SEC14L1: variants seen among roughly 807,000 people sequenced by gnomAD.
SEC14L1 encodes SEC14-like protein 1.
SEC14L1 carries 48 observed loss-of-function variants against 85.3 expected under a neutral mutation model. The observed-to-expected ratio is 0.56, with a 90% CI of 0.45 to 0.72. SEC14L1 has a LOEUF of 0.72. Among genes scored for constraint, SEC14L1 ranks in the 30% least tolerant of loss-of-function variants. The pLI is 0.00. For missense variants in SEC14L1, 682 were observed against 921.4 expected, an observed-to-expected ratio of 0.74 and a Z score of 3.36; for synonymous variants, 391 against 355.5, an observed-to-expected ratio of 1.10 and a Z score of -1.12.
rs550825760 is a variant in SEC14L1 at position 77,193,585 on chromosome 17, G to A, written c.474+36G>A. 13 of 1,590,028 alleles carry A rather than the reference G, an allele frequency of 8.2e-6. No individual in the cohort carries two copies. The South Asian group carries it at 1.2e-4, about 15-fold the overall frequency. ...CTTGGGATTTTGTGGCAGAGGGTGG[G>A]CAGGAGTCTCTGAGATGACCATCTT... is the stretch of plus-strand genomic sequence containing the variant. On this transcript the variant is annotated intron_variant, in intron 6 of 16. Transcript: ENST00000436233.
In SEC14L1 at chr17:77,179,520, C is replaced by CT. The variant is rs746456734; in HGVS notation, c.64-11280dup. Among the ~76,000 whole-genome samples, 415 of 152,194 alleles carry CT rather than the reference C, an allele frequency of 2.7e-3. 4 individuals are homozygous for CT. The highest frequency in any genetic ancestry group is 6.8e-3 in the Middle Eastern group (2 of 294). ...TACTTTTTCCTTTGATTTTATAGCA[C>CT]TTTAGGATGAACTTACTTTTCCGTG... On this transcript the variant is annotated intron_variant, in intron 3 of 16. Transcript: ENST00000436233.
At chr17:77,196,113 A>C in intron 7 of SEC14L1, 89 bp from the exon 8 acceptor site, 1 of 980,784 alleles carries the variant, frequency 1.0e-6, no homozygotes, top group Non-Finnish European at 1.6e-6. Flanking sequence ...GGACTCTAGG[A>C]CCACACGTTA....
At chr17:77,175,192 G>T (rs1974695313) in intron 3 of SEC14L1, among the ~76,000 whole-genome samples, 1 of 152,132 alleles carries the variant, frequency 6.6e-6, no homozygotes, top group South Asian at 2.1e-4. Context: ...CTTTGAAGAG[G>T]AATTCATCAT....
chr17:77,117,718 A>T (rs934836273), intron 3 of SEC14L1, among the ~76,000 whole-genome samples: 2 of 152,186 alleles, frequency 1.3e-5, no homozygotes, highest in African/African-American at 4.8e-5. Flanking sequence ...ATTCCAATGA[A>T]GTTGGGCAAA....
At chr17:77,168,654 T>C (rs1434753063) in intron 3 of SEC14L1, among the ~76,000 whole-genome samples, 1 of 152,166 alleles carries the variant, frequency 6.6e-6, no homozygotes, top group Non-Finnish European at 1.5e-5. Context: ...GGAGCTGTGT[T>C]GTTAGGGCTG....
At chr17:77,143,741 T>G in intron 3 of SEC14L1, 82 bp downstream of exon 3, 1 of 1,012,006 alleles carries the variant, frequency 9.9e-7, no homozygotes, top group Non-Finnish European at 1.5e-6. Context: ...TATAGATTTA[T>G]TGTTCGTCTC....
At chr17:77,167,249 C>T (rs1001461188) in intron 3 of SEC14L1, among the ~76,000 whole-genome samples, 1 of 151,690 alleles carries the variant, frequency 6.6e-6, no homozygotes, top group African/African-American at 2.4e-5. Context: ...ATTCTCCTGC[C>T]TCAGCCACCT....
At position 77,185,179 on chromosome 17, in the gene SEC14L1, C is replaced by T. The variant is rs1370150458; in HGVS notation, c.64-5624C>T. On this transcript the variant is annotated intron_variant, in intron 3 of 16. Coordinates refer to ENST00000436233, the MANE Select transcript of SEC14L1 (RefSeq NM_001143998.2). ...TTTAGGCATTGAAGTCCTCGTTCTCCTGAGGATAAAAAGTCTCTGCCCTGC... is the reference window on the plus strand; with the variant it reads ...TTTAGGCATTGAAGTCCTCGTTCTCTTGAGGATAAAAAGTCTCTGCCCTGC... The T allele has an allele frequency of 3.1e-6, 3 of 983,064 alleles. No homozygotes were observed. In the African/African-American group the frequency reaches 5.2e-5, roughly 17 times the overall value. The allele number at this position is 983,064 out of a possible 1,614,324, so 60.9% of individuals were successfully genotyped here. A position where few individuals can be genotyped will look rare whatever the true frequency, so the allele number is the denominator to read the frequency against.
chr17:77,191,454 G>A, intron 5 of SEC14L1, 142 bp downstream of exon 5: 1 of 941,742 alleles, frequency 1.1e-6, no homozygotes, highest in Non-Finnish European at 1.6e-6. Flanking sequence ...CTCATGTGTA[G>A]GAGGAAGGGT....
intron 3 of SEC14L1, among the ~76,000 whole-genome samples, chr17:77,160,633 A>G (rs891153458): frequency 2.6e-5 from 4 of 152,242 alleles, no homozygotes; most frequent in Admixed American, 2.0e-4. Flanking sequence ...TATCTTAAGT[A>G]TAAAGATTTG....
chr17:77,133,339 C>T (rs1021347406), intron 3 of SEC14L1, among the ~76,000 whole-genome samples: 8 of 152,200 alleles, frequency 5.3e-5, no homozygotes, highest in Admixed American at 1.3e-4. Context: ...TTAATCCTGC[C>T]GGGGGCGGGA....
Position 77,200,640 on chromosome 17 carries a change from T to C in SEC14L1, c.976T>C (p.Tyr326His). The C allele has an allele frequency of 6.2e-7, 1 of 1,613,896 alleles. No individual in the cohort carries two copies. Among genetic ancestry groups the C allele is most frequent in the South Asian group, 1.1e-5 (1 of 91,016 alleles). Residue 326 changes from tyrosine (Y) to histidine (H), a missense_variant, in exon 9 of 17, where the codon TAC (tyrosine) becomes CAC (histidine). Around this residue, in one of 3 missense-constraint regions of SEC14L1, gnomAD observed 420 missense variants for 619.5 expected, o/e 0.68. Coordinates refer to ENST00000436233, the MANE Select transcript of SEC14L1 (RefSeq NM_001143998.2). Reference sequence around the variant, plus strand: ...GACCCCTCCTCAGGTCCTTCAGGATTACTACGCGGGAGGCTGGCATCATCA... The same window carrying C: ...GACCCCTCCTCAGGTCCTTCAGGATCACTACGCGGGAGGCTGGCATCATCA... ...TWTPPQVLQD[Y>H]YAGGWHHHDK...
intron 3 of SEC14L1, among the ~76,000 whole-genome samples, chr17:77,184,518 C>G (rs1214582474): frequency 6.6e-6 from 1 of 151,554 alleles, no homozygotes; most frequent in Non-Finnish European, 1.5e-5. Flanking sequence ...ACCCTTTTTT[C>G]TTTCTGGTGT....
At chr17:77,177,440 C>A (rs1974810148) in intron 3 of SEC14L1, among the ~76,000 whole-genome samples, 1 of 150,152 alleles carries the variant, frequency 6.7e-6, no homozygotes, top group South Asian at 2.1e-4. Context: ...TCTATGTCAG[C>A]CTATTAAATA....
chr17:77,202,629 A>G (rs1976211238), intron 9 of SEC14L1, among the ~76,000 whole-genome samples: 1 of 151,960 alleles, frequency 6.6e-6, no homozygotes, highest in Admixed American at 6.6e-5. Flanking sequence ...AATAAAAAAC[A>G]AAAAAGGAGG....
At chr17:77,168,735 T>A (rs1162758769) in intron 3 of SEC14L1, among the ~76,000 whole-genome samples, 1 of 152,212 alleles carries the variant, frequency 6.6e-6, no homozygotes, top group Non-Finnish European at 1.5e-5. Context: ...TTAAGGGCTC[T>A]TCTATTTTCC....
intron 3 of SEC14L1, among the ~76,000 whole-genome samples, chr17:77,169,792 T>C (rs555591473): frequency 1.3e-5 from 2 of 152,118 alleles, no homozygotes; most frequent in South Asian, 2.1e-4. Flanking sequence ...TGACCTAGGG[T>C]AGGCTTGGTG....
intron 3 of SEC14L1, among the ~76,000 whole-genome samples, chr17:77,105,267 A>G (rs1041565794): frequency 3.9e-5 from 6 of 151,926 alleles, no homozygotes; most frequent in Non-Finnish European, 8.8e-5. Context: ...CTCCAGGGCC[A>G]TGGTGACTGT....
intron 9 of SEC14L1, among the ~76,000 whole-genome samples, chr17:77,202,362 T>C (rs1440248506): frequency 6.6e-6 from 1 of 152,060 alleles, no homozygotes; most frequent in Non-Finnish European, 1.5e-5. Flanking sequence ...CTCACACCTG[T>C]AATCCCAGCA....
Sources: gnomAD v4.1 joint callset for allele counts (sites outside exome capture counted in the v4.1 genomes callset) on GRCh38, gnomAD v4.1.1 for gene constraint, gnomAD v4.1.1 regional missense constraint, MANE v1.5 for transcripts, NCBI Gene and HGNC (gene_info 2026-07-23, HGNC 2026-07-21) for gene names.